Variants in LMO7 observed in about 807,000 individuals in gnomAD.
LMO7 encodes the protein LIM domain only protein 7.
Under a neutral mutation model 206.5 loss-of-function variants are expected in LMO7, and 120 were observed. That is an observed-to-expected ratio of 0.58 (90% confidence interval 0.50 to 0.68). The LOEUF (loss-of-function observed/expected upper bound fraction) is 0.68, where lower values mean the gene tolerates loss of function less well. Among genes scored for constraint, LMO7 ranks in the 30% least tolerant of loss-of-function variants. LMO7 has a pLI of 0.00. For missense variants in LMO7, 1,959 were observed against 1,957.9 expected (o/e 1.00, Z -0.01); for synonymous variants, 706 against 681.5 (o/e 1.04, Z -0.56).
intron 5 of LMO7, among the ~76,000 whole-genome samples, 154 bp downstream of exon 5, chr13:75,795,585 A>G (rs753478780): frequency 6.6e-6 from 1 of 152,224 alleles, no homozygotes; most frequent in Non-Finnish European, 1.5e-5. Flanking sequence ...ATGTTTAAAT[A>G]TATGCATTAC....
intron 10 of LMO7, 65 bp downstream of exon 10, chr13:75,808,264 G>A (rs2055814396): frequency 6.8e-6 from 10 of 1,480,470 alleles, no homozygotes; most frequent in Non-Finnish European, 8.1e-6. Context: ...TTTCTCATGC[G>A]AGAAAGCAGC....
intron 1 of LMO7, among the ~76,000 whole-genome samples, chr13:75,684,982 A>G (rs9530461): frequency 0.41 from 62,500 of 151,936 alleles, 14,035 homozygotes; most frequent in Middle Eastern, 0.52. Context: ...TTGATCTTCT[A>G]TGGCATTGCG....
intron 1 of LMO7, among the ~76,000 whole-genome samples, chr13:75,668,817 A>G (rs1474465210): frequency 6.6e-6 from 1 of 152,244 alleles, no homozygotes; most frequent in East Asian, 1.9e-4. Context: ...TGGCTATATC[A>G]GGGACAGGGA....
Position 75,794,172 on chromosome 13 carries a change from T to G in LMO7, c.318-1229T>G, listed in dbSNP as rs545452822. Among the ~76,000 whole-genome samples, 3 of 152,386 alleles carry G rather than the reference T, an allele frequency of 2.0e-5. No individual in the cohort carries two copies. The South Asian group carries it at 6.2e-4, about 32-fold the overall frequency. On this transcript the variant is annotated intron_variant, in intron 4 of 30. Transcript: ENST00000377534. ...TAAGCGTTTATGTTGGATGTATACC[T>G]AGGAATGGAATTATTAGGTCATAGA... is the stretch of plus-strand genomic sequence containing the variant.
rs553342856 is a variant in LMO7 at position 75,737,455 on chromosome 13, T to A, written c.210+10357T>A. Among the ~76,000 whole-genome samples the A allele has an allele frequency of 1.9e-3, 280 of 146,500 alleles. 2 individuals carry two copies. The highest frequency in any genetic ancestry group is 4.1e-3 in the Admixed American group (60 of 14,698). On this transcript the variant is annotated intron_variant, in intron 3 of 30. Transcript: ENST00000377534. ...TACATGTTTTAGTTAATACCTTTTT[T>A]AAAAAAAAAAAAACTTGGCCGGGCG...
intron 1 of LMO7, among the ~76,000 whole-genome samples, chr13:75,666,047 A>C (rs1302003931): frequency 2.0e-5 from 3 of 152,256 alleles, no homozygotes; most frequent in African/African-American, 7.2e-5. Context: ...TTGTCATAGA[A>C]TATTCTAATG....
intron 1 of LMO7, among the ~76,000 whole-genome samples, chr13:75,668,064 T>C (rs2139344428): frequency 6.6e-6 from 1 of 152,218 alleles, no homozygotes; most frequent in Middle Eastern, 3.4e-3. Context: ...AAAAATGAGC[T>C]GGGCGTGGTG....
intron 4 of LMO7, among the ~76,000 whole-genome samples, chr13:75,766,412 G>A (rs1328745618): frequency 6.6e-6 from 1 of 151,992 alleles, no homozygotes; most frequent in Non-Finnish European, 1.5e-5. Flanking sequence ...GTAGAAAATG[G>A]CACTTCATCC....
At position 75,620,627 on chromosome 13, in the gene LMO7, T is replaced by C. The variant is rs1026744854; in HGVS notation, c.-1067T>C. On this transcript the variant is annotated 5_prime_UTR_variant, in exon 1 of 30. Coordinates refer to the LMO7 transcript ENST00000341547. ...GCTGTTGGCCCCAGGGTCACACTTA[T>C]AGTGATTTTCTAGAACCCAGTTGGG... is the stretch of plus-strand genomic sequence containing the variant. 62 of 152,214 alleles carry C rather than the reference T, an allele frequency of 4.1e-4. 1 individual carries two copies. The highest frequency in any genetic ancestry group is 3.8e-3 in the Admixed American group (58 of 15,282). 9.4% of individuals were successfully genotyped at this position (152,214 alleles called of 1,614,324 possible). A position where few individuals can be genotyped will look rare whatever the true frequency, so the allele number is the denominator to read the frequency against.
chr13:75,656,429 A>G (rs969370975), intron 1 of LMO7, among the ~76,000 whole-genome samples: 1 of 152,210 alleles, frequency 6.6e-6, no homozygotes, highest in Non-Finnish European at 1.5e-5. Flanking sequence ...AGCAATTCAG[A>G]TTGGTAATTC....
intron 1 of LMO7, 119 bp from the exon 2 acceptor site, chr13:75,713,063 T>A: frequency 7.0e-6 from 4 of 574,108 alleles, no homozygotes. Context: ...GATATAACAG[T>A]CTATATATGC....
intron 4 of LMO7, among the ~76,000 whole-genome samples, chr13:75,772,557 A>T (rs559270945): frequency 1.3e-5 from 2 of 152,244 alleles, no homozygotes; most frequent in South Asian, 4.1e-4. Flanking sequence ...GACCTGCTCA[A>T]GGTCATAGGC....
At chr13:75,745,331 C>G (rs1054055199) in intron 3 of LMO7, among the ~76,000 whole-genome samples, 4 of 152,054 alleles carry the variant, frequency 2.6e-5, no homozygotes, top group Non-Finnish European at 5.9e-5. Context: ...CATTGGTTGC[C>G]TGTGATGAAG....
chr13:75,685,936 C>T (rs2040942917), intron 1 of LMO7, among the ~76,000 whole-genome samples: 1 of 143,194 alleles, frequency 7.0e-6, no homozygotes, highest in African/African-American at 2.6e-5. Context: ...CACTCTGTCA[C>T]CCAGGCAGTG....
intron 15 of LMO7, among the ~76,000 whole-genome samples, chr13:75,829,723 A>T (rs563047804): frequency 2.0e-5 from 3 of 151,424 alleles, no homozygotes; most frequent in Admixed American, 2.0e-4. Context: ...AATTCTATCT[A>T]TGTTGACATG....
chr13:75,669,641 C>A (rs1014525816), intron 1 of LMO7, among the ~76,000 whole-genome samples: 1 of 152,144 alleles, frequency 6.6e-6, no homozygotes. Flanking sequence ...ATATACTATA[C>A]CCTTTGTGCT....
chr13:75,681,718 G>GTGTATATATATATATA (rs1270207162), intron 1 of LMO7, among the ~76,000 whole-genome samples: 19 of 104,564 alleles, frequency 1.8e-4, no homozygotes, highest in East Asian at 1.1e-3. Context: ...ATATATATAT[G>GTGTATATATATATATA]TATATATATA....
intron 4 of LMO7, among the ~76,000 whole-genome samples, chr13:75,776,399 A>G (rs1451186920): frequency 6.6e-6 from 1 of 151,184 alleles, no homozygotes; most frequent in Non-Finnish European, 1.5e-5. Flanking sequence ...TCCTAAGTCA[A>G]TAATTTGACA....
At chr13:75,751,889 T>A (rs553533661) in intron 3 of LMO7, among the ~76,000 whole-genome samples, 2 of 152,278 alleles carry the variant, frequency 1.3e-5, no homozygotes, top group South Asian at 4.1e-4. Context: ...CCCTTTATAT[T>A]TGGGAGGTTG....
Sources: allele counts gnomAD v4.1 joint callset (sites outside exome capture counted in the v4.1 genomes callset), GRCh38; gene constraint gnomAD v4.1.1; transcripts MANE v1.5; gene names NCBI Gene and HGNC (gene_info 2026-07-23, HGNC 2026-07-21).